HELLS: variants seen among roughly 807,000 people sequenced by gnomAD.
The protein encoded by HELLS is helicase, lymphoid specific, also known as lymphoid-specific helicase.
A neutral mutation model predicts 120.0 loss-of-function variants in HELLS; 32 were observed. The ratio of observed to expected loss-of-function variants is 0.27; its 90% CI spans 0.20 to 0.36. The LOEUF is 0.36. Ranked by LOEUF, HELLS falls within the 10% of genes least tolerant of loss-of-function variation. HELLS has a pLI of 1.00. For missense variants in HELLS, 650 were observed against 993.4 expected, an observed-to-expected ratio of 0.65 and a Z score of 4.65; for synonymous variants, 341 against 323.4, an observed-to-expected ratio of 1.05 and a Z score of -0.58.
rs533367692 is a variant in HELLS, at chr10:94,552,026, A to G, written c.154-2100A>G. On this transcript the variant is annotated intron_variant, in intron 2 of 21. Coordinates refer to ENST00000348459, the MANE Select transcript of HELLS (RefSeq NM_018063.5). ...AGTGCTGGGATTACAGGCGTGAGCC[A>G]CCGCGCCCAGCCTCATATCCCCCAT... Among the ~76,000 whole-genome samples the G allele has an allele frequency of 2.9e-3, 440 of 152,324 alleles. 2 individuals carry two copies. Among genetic ancestry groups the G allele is most frequent in the African/African-American group, 0.01 (420 of 41,574 alleles).
chr10:94,589,431 A>G (rs1030263779), intron 13 of HELLS, among the ~76,000 whole-genome samples: 2 of 152,352 alleles, frequency 1.3e-5, no homozygotes, highest in Admixed American at 1.3e-4. Context: ...CTACCTGTAC[A>G]GTTTCCTTAC....
chr10:94,579,757 C>T (rs764997988), intron 10 of HELLS, among the ~76,000 whole-genome samples: 1 of 151,982 alleles, frequency 6.6e-6, no homozygotes, highest in African/African-American at 2.4e-5. Flanking sequence ...ATCCAACTGT[C>T]TAGGCCTCCC....
At chr10:94,587,769 A>G (rs566456628) in intron 12 of HELLS, among the ~76,000 whole-genome samples, 2 of 152,172 alleles carry the variant, frequency 1.3e-5, no homozygotes, top group Non-Finnish European at 2.9e-5. Flanking sequence ...TAAAAGTTAA[A>G]TTATTATTGA....
At chr10:94,570,749 T>C (rs1264508003) in intron 6 of HELLS, 1 of 152,128 alleles carries the variant, frequency 6.6e-6, no homozygotes, top group Non-Finnish European at 1.5e-5. Context: ...CACTTTATTC[T>C]GTATTTTTAA....
At chr10:94,605,798 A>G (rs1397024496), downstream of HELLS, among the ~76,000 whole-genome samples, 3 of 151,694 alleles carry the variant, frequency 2.0e-5, no homozygotes, top group Non-Finnish European at 4.4e-5. Flanking sequence ...GCCCTGCTAA[A>G]TTTTTAATTT....
intron 11 of HELLS, among the ~76,000 whole-genome samples, chr10:94,582,580 G>A (rs1474675819): frequency 6.6e-6 from 1 of 152,088 alleles, no homozygotes; most frequent in Non-Finnish European, 1.5e-5. Context: ...ATTTATTGTA[G>A]TGGGCCATAC....
intron 2 of HELLS, among the ~76,000 whole-genome samples, chr10:94,552,954 C>T (rs1843058262): frequency 6.6e-6 from 1 of 152,096 alleles, no homozygotes; most frequent in South Asian, 2.1e-4. Context: ...CAGCATGAGA[C>T]CATGCCTTAA....
intron 11 of HELLS, 31 bp from the exon 12 acceptor site, chr10:94,582,932 G>T (rs1247351428): frequency 2.6e-6 from 3 of 1,172,232 alleles, no homozygotes; most frequent in Admixed American, 1.9e-5. Flanking sequence ...GAATTTATGT[G>T]ATGGTTAACT....
At chr10:94,563,897 G>A (rs894207826) in intron 6 of HELLS, among the ~76,000 whole-genome samples, 3 of 149,022 alleles carry the variant, frequency 2.0e-5, no homozygotes, top group Admixed American at 1.4e-4. Context: ...CGCATCCTCC[G>A]CTTCCCAGGT....
At chr10:94,596,712 G>A (rs1845757702) in intron 19 of HELLS, 148 bp from the exon 20 acceptor site, 13 of 529,284 alleles carry the variant, frequency 2.5e-5, no homozygotes, top group South Asian at 1.8e-4. Context: ...TCCTACCAGC[G>A]AAGCCTGAGA....
intron 8 of HELLS, among the ~76,000 whole-genome samples, chr10:94,607,705 G>T (rs1218713565): frequency 6.6e-6 from 1 of 152,006 alleles, no homozygotes; most frequent in Non-Finnish European, 1.5e-5. Flanking sequence ...TTTAGTCTTA[G>T]CAATTTTAGA....
In HELLS at chr10:94,554,306, T is replaced by C. The variant is rs560934844; in HGVS notation, c.276+58T>C. 3.1e-5 allele frequency: 39 copies of C among 1,270,912 alleles called. No individual in the cohort carries two copies. In the African/African-American group the frequency reaches 5.9e-4, roughly 19 times the overall value. 78.7% of individuals were successfully genotyped at this position (1,270,912 alleles called of 1,614,324 possible). A position where few individuals can be genotyped will look rare whatever the true frequency, so the allele number is the denominator to read the frequency against. On this transcript the variant is annotated intron_variant, in intron 3 of 21. Coordinates refer to ENST00000348459, the MANE Select transcript of HELLS (RefSeq NM_018063.5). ...TTAAAAAAATTTAAAAATAGCTTTA[T>C]TGAAGTGTATATTATATACAGTAAA... is the stretch of plus-strand genomic sequence containing the variant.
chr10:94,609,011 C>CTTTTTT lies in HELLS; in HGVS notation c.*2-818_*2-813dup, dbSNP rs71031590. ...TTACACTTTTTGTCTGTATCCACCT[C>CTTTTTT]TTTTTTTTTTTTTTTTTTTTTTTTT... On this transcript the variant is annotated intron_variant, in intron 9 of 9. Transcript: ENST00000371327. 2.4e-3 allele frequency among the ~76,000 whole-genome samples: 165 copies of CTTTTTT among 68,228 alleles called. 12 individuals are homozygous for CTTTTTT. Among genetic ancestry groups the CTTTTTT allele is most frequent in the African/African-American group, 7.5e-3 (130 of 17,396 alleles). The allele number at this position is 68,228 out of a possible 152,430, so 44.8% of individuals were successfully genotyped here.
chr10:94,591,229 T>C (rs1295586257), intron 15 of HELLS, among the ~76,000 whole-genome samples: 1 of 152,232 alleles, frequency 6.6e-6, no homozygotes, highest in Non-Finnish European at 1.5e-5. Context: ...TTACTTGTTA[T>C]ATTTTAGAGA....
rs116341652 is a variant in HELLS, at chr10:94,587,341, A to G, written c.1327-888A>G. ...TGATATTGATACAGAAATGCAATGC[A>G]TAATAATCATATCATGGAGAATGGG... On this transcript the variant is annotated intron_variant, in intron 12 of 21. Coordinates refer to ENST00000348459, the MANE Select transcript of HELLS (RefSeq NM_018063.5). Among the ~76,000 whole-genome samples, 472 of 152,334 alleles carry G rather than the reference A, an allele frequency of 3.1e-3. 3 individuals carry two copies. The highest frequency in any genetic ancestry group is 0.011 in the African/African-American group (446 of 41,580).
In HELLS at chr10:94,564,727, G is replaced by A. The variant is rs545798876; in HGVS notation, c.435+1851G>A. Among the ~76,000 whole-genome samples the A allele has an allele frequency of 1.8e-4, 27 of 151,844 alleles. 1 individual carries two copies. The South Asian group carries it at 4.2e-3, about 23-fold the overall frequency. Reference sequence around the variant, plus strand: ...CCTCCCATATTCAAGCGATTCTTATGTCTCAGCTTCTGAGAAGCTGGGATT... The same window carrying A: ...CCTCCCATATTCAAGCGATTCTTATATCTCAGCTTCTGAGAAGCTGGGATT... On this transcript the variant is annotated intron_variant, in intron 6 of 21. Transcript: ENST00000348459.
At chr10:94,580,149 AT>A (rs1299481101) in intron 10 of HELLS, among the ~76,000 whole-genome samples, 5,340 of 81,292 alleles carry the variant, frequency 0.066, 308 homozygotes, top group Middle Eastern at 0.089. Context: ...ATATATATAT[AT>A]ATATATATAT....
exon 10 of HELLS, chr10:94,613,707 TA>T (rs1196666997): frequency 6.6e-6 from 1 of 152,182 alleles, no homozygotes; most frequent in African/African-American, 2.4e-5. Flanking sequence ...TTTCTTTCTA[TA>T]TTGGATTATT....
exon 10 of HELLS, chr10:94,611,530 A>G (rs1331088672): frequency 6.6e-6 from 1 of 152,184 alleles, no homozygotes; most frequent in African/African-American, 2.4e-5. Flanking sequence ...GAATCATTTT[A>G]CTGTGCTTTT....
Sources: allele counts gnomAD v4.1 joint callset (sites outside exome capture counted in the v4.1 genomes callset), GRCh38; gene constraint gnomAD v4.1.1; transcripts MANE v1.5; gene names NCBI Gene and HGNC (gene_info 2026-07-23, HGNC 2026-07-21).